AK5: variants seen among roughly 807,000 people sequenced by gnomAD.
AK5 encodes adenylate kinase isoenzyme 5.
AK5 carries 27 observed loss-of-function variants against 69.5 expected under a neutral mutation model. That is an observed-to-expected ratio of 0.39 (90% CI 0.29 to 0.54). The LOEUF is 0.54. Among genes scored for constraint, AK5 ranks in the 20% least tolerant of loss-of-function variants. The probability of loss-of-function intolerance (pLI) is 0.71; values close to 1 mark genes in which losing one functional copy is unlikely to be tolerated. For synonymous variants in AK5, 260 were observed against 244.4 expected (o/e 1.06, Z -0.60); for missense variants, 531 against 700.4 (o/e 0.76, Z 2.73).
At chr1:77,321,849 T>C (rs1161780485) in intron 5 of AK5, among the ~76,000 whole-genome samples, 1 of 152,212 alleles carries the variant, frequency 6.6e-6, no homozygotes, top group East Asian at 1.9e-4. Flanking sequence ...ATATTGTCTA[T>C]ATTGTTGAAA....
chr1:77,437,324 A>T (rs1166754525), intron 8 of AK5, among the ~76,000 whole-genome samples: 1 of 152,162 alleles, frequency 6.6e-6, no homozygotes, highest in Non-Finnish European at 1.5e-5. Flanking sequence ...GCAACATAAA[A>T]ACATACAGAC....
chr1:77,310,213 A>G (rs1452960946), intron 5 of AK5, among the ~76,000 whole-genome samples: 1 of 152,074 alleles, frequency 6.6e-6, no homozygotes, highest in African/African-American at 2.4e-5. Flanking sequence ...CTTTTCCTTC[A>G]TTGAAATGAC....
intron 5 of AK5, among the ~76,000 whole-genome samples, chr1:77,320,307 A>G (rs867199540): frequency 7.2e-5 from 11 of 152,126 alleles, no homozygotes; most frequent in South Asian, 2.1e-4. Flanking sequence ...TTGGGTGGGG[A>G]CTCAGCCAAA....
chr1:77,419,589 G>A (rs1428351702), intron 8 of AK5, among the ~76,000 whole-genome samples: 1 of 152,124 alleles, frequency 6.6e-6, no homozygotes, highest in African/African-American at 2.4e-5. Context: ...ATTAACGGTT[G>A]AATAGTAAAC....
chr1:77,513,699 G>C (rs1351808950), intron 10 of AK5, among the ~76,000 whole-genome samples: 1 of 152,192 alleles, frequency 6.6e-6, no homozygotes, highest in Non-Finnish European at 1.5e-5. Flanking sequence ...AATTAGCCAG[G>C]AGTGGTGGCA....
intron 8 of AK5, among the ~76,000 whole-genome samples, chr1:77,480,156 G>A (rs12738273): frequency 0.97 from 147,721 of 151,516 alleles, 72,107 homozygotes; most frequent in Non-Finnish European, 0.99. Context: ...GTGTGTGTGT[G>A]TAAGATGCCA....
chr1:77,335,134 A>G (rs1661282467), intron 5 of AK5, among the ~76,000 whole-genome samples: 1 of 152,220 alleles, frequency 6.6e-6, no homozygotes, highest in South Asian at 2.1e-4. Flanking sequence ...AAGAACAAGG[A>G]GCATTAAAAT....
intron 12 of AK5, among the ~76,000 whole-genome samples, chr1:77,533,713 C>T (rs1181123953): frequency 6.6e-6 from 1 of 152,074 alleles, no homozygotes; most frequent in Non-Finnish European, 1.5e-5. Flanking sequence ...GGCTCCTGCT[C>T]AGTGACATAT....
At chr1:77,332,036 T>C (rs1462968001) in intron 5 of AK5, among the ~76,000 whole-genome samples, 1 of 152,088 alleles carries the variant, frequency 6.6e-6, no homozygotes, top group African/African-American at 2.4e-5. Context: ...TTCCCCAGGC[T>C]CAGGGGATCC....
chr1:77,553,123 G>T (rs1347694839), intron 13 of AK5, among the ~76,000 whole-genome samples: 1 of 152,188 alleles, frequency 6.6e-6, no homozygotes, highest in Admixed American at 6.5e-5. Flanking sequence ...CATAGGTATG[G>T]TTTTCTTTTG....
intron 5 of AK5, among the ~76,000 whole-genome samples, chr1:77,321,361 CAGGAAGCTA>C (rs967109391): frequency 1.3e-4 from 20 of 151,732 alleles, no homozygotes; most frequent in African/African-American, 9.7e-5. Context: ...CCCAGCTACT[CAGGAAGCTA>C]AGGCAAGAGA....
intron 13 of AK5, among the ~76,000 whole-genome samples, chr1:77,545,798 C>A (rs928389179): frequency 2.0e-5 from 3 of 152,156 alleles, no homozygotes; most frequent in Non-Finnish European, 4.4e-5. Context: ...TTCATCTGGG[C>A]CTGCCTTGGT....
chr1:77,293,291 A>G lies in AK5; in HGVS notation c.248-502A>G, dbSNP rs113923770. On this transcript the variant is annotated intron_variant, in intron 2 of 13. Coordinates refer to ENST00000354567, the MANE Select transcript of AK5 (RefSeq NM_174858.3). ...TTATCTATATTTGTTGAATGAATGA[A>G]ATACACAATATATAAGCATTAGCTT... Among the ~76,000 whole-genome samples the G allele has an allele frequency of 6.9e-3, 1,052 of 152,276 alleles. 20 individuals are homozygous for G. The highest frequency in any genetic ancestry group is 0.024 in the African/African-American group (1,007 of 41,552).
intron 8 of AK5, among the ~76,000 whole-genome samples, chr1:77,440,268 A>G (rs1283780146): frequency 1.3e-5 from 2 of 152,014 alleles, no homozygotes; most frequent in Non-Finnish European, 2.9e-5. Flanking sequence ...TTGACTGACA[A>G]TTTTTTGCCA....
chr1:77,449,925 A>C (rs1278538410), intron 8 of AK5, among the ~76,000 whole-genome samples: 1 of 152,136 alleles, frequency 6.6e-6, no homozygotes, highest in Non-Finnish European at 1.5e-5. Flanking sequence ...CCACACTTTT[A>C]TGCTGTTTCC....
intron 6 of AK5, among the ~76,000 whole-genome samples, chr1:77,367,886 TATATGTGATATATATTATATATAA>T (rs1647024391): frequency 7.3e-5 from 1 of 13,626 alleles, no homozygotes; most frequent in African/African-American, 2.5e-4. Flanking sequence ...TAATATAAAA[TATATGTGATATATATTATATATAA>T]AATATATGTG....
At chr1:77,554,137 C>T (rs1659955567) in intron 13 of AK5, among the ~76,000 whole-genome samples, 1 of 152,156 alleles carries the variant, frequency 6.6e-6, no homozygotes, top group Admixed American at 6.5e-5. Context: ...ACCTATTTTT[C>T]CAGCTTCCTC....
At chr1:77,536,918 T>C (rs1659002843) in intron 13 of AK5, among the ~76,000 whole-genome samples, 1 of 152,184 alleles carries the variant, frequency 6.6e-6, no homozygotes, top group Non-Finnish European at 1.5e-5. Context: ...TCATGAGCTC[T>C]CTGCTGAGTC....
intron 5 of AK5, among the ~76,000 whole-genome samples, chr1:77,323,599 T>C (rs2100331632): frequency 6.6e-6 from 1 of 152,332 alleles, no homozygotes; most frequent in South Asian, 2.1e-4. Flanking sequence ...ATAATTAGAA[T>C]GAATAATGGT....
Sources: gnomAD v4.1 joint callset for allele counts (sites outside exome capture counted in the v4.1 genomes callset) on GRCh38, gnomAD v4.1.1 for gene constraint, MANE v1.5 for transcripts, NCBI Gene and HGNC (gene_info 2026-07-23, HGNC 2026-07-21) for gene names.